Variants in MRTFA observed in about 807,000 individuals in gnomAD.
The protein encoded by MRTFA is myocardin related transcription factor A.
A neutral mutation model predicts 83.5 loss-of-function variants in MRTFA; 20 were observed. That is an observed-to-expected ratio of 0.24 (90% confidence interval 0.17 to 0.35). MRTFA has a LOEUF of 0.35. MRTFA is among the 10% of genes least tolerant of loss of function. MRTFA has a pLI of 1.00. For synonymous variants in MRTFA, 659 were observed against 541.2 expected, an observed-to-expected ratio of 1.22 and a Z score of -3.02; for missense variants, 1,200 against 1,224.7, an observed-to-expected ratio of 0.98 and a Z score of 0.30.
intron 1 of MRTFA, among the ~76,000 whole-genome samples, chr22:40,599,222 C>G (rs1242401049): frequency 6.6e-6 from 1 of 151,942 alleles, no homozygotes; most frequent in African/African-American, 2.4e-5. Flanking sequence ...CGCTTGAACC[C>G]AGGAGGCGGA....
rs535385714 is a variant in MRTFA, at chr22:40,497,979, C to A, written c.242-34693G>T. On this transcript the variant is annotated intron_variant, in intron 3 of 14. Coordinates refer to ENST00000355630, the MANE Select transcript of MRTFA (RefSeq NM_020831.6). The stretch of plus-strand genomic sequence containing the variant: ...CAAAACTCAGTCTCTACAAAAAAAT[C>A]TTTTTAAAATATTAGATGGGTGTAG... Among the ~76,000 whole-genome samples the A allele has an allele frequency of 5.9e-5, 9 of 151,416 alleles. No individual in the cohort carries two copies. In the South Asian group the frequency reaches 1.9e-3, roughly 32 times the overall value.
rs2052690535 is a variant in MRTFA, at chr22:40,416,851, C to T, written c.2578+135G>A. 2.4e-6 allele frequency: 2 copies of T among 818,346 alleles called. No homozygotes were observed. 50.7% of individuals were successfully genotyped at this position (818,346 alleles called of 1,614,324 possible). A position where few individuals can be genotyped will look rare whatever the true frequency, so the allele number is the denominator to read the frequency against. On this transcript the variant is annotated intron_variant, in intron 14 of 14. Coordinates refer to ENST00000355630, the MANE Select transcript of MRTFA (RefSeq NM_020831.6). This position sits in a 1 kb window ranked among gnomAD's most constrained non-coding sequence, Gnocchi z 4.2. Reference sequence around the variant, plus strand: ...GCCTTGGAGACGGGAGGGCTCACAGCCACCACTGCATCCACAGTGCTTGCC... The same window carrying T: ...GCCTTGGAGACGGGAGGGCTCACAGTCACCACTGCATCCACAGTGCTTGCC...
intron 3 of MRTFA, among the ~76,000 whole-genome samples, chr22:40,512,053 C>CT (rs983557818): frequency 1.3e-5 from 2 of 152,150 alleles, no homozygotes; most frequent in Admixed American, 1.3e-4. Context: ...AATGGGCCCA[C>CT]TATATAGGGT....
At chr22:40,519,679 TATAAC>T in intron 3 of MRTFA, 1 of 1,138,398 alleles carries the variant, frequency 8.8e-7, no homozygotes, top group Middle Eastern at 3.4e-4. Flanking sequence ...AAAAAAATGT[TATAAC>T]AATCACACCC....
At chr22:40,626,410 A>G (rs2056582248) in intron 1 of MRTFA, among the ~76,000 whole-genome samples, 1 of 152,084 alleles carries the variant, frequency 6.6e-6, no homozygotes, top group African/African-American at 2.4e-5. Context: ...CCACGCCTCA[A>G]GTTTCCAGAG....
chr22:40,421,241 G>A, intron 9 of MRTFA, 141 bp from the exon 10 acceptor site: 2 of 949,784 alleles, frequency 2.1e-6, no homozygotes, highest in South Asian at 2.0e-5. Flanking sequence ...TTCCCTGTGG[G>A]ACCGTACACC....
intron 3 of MRTFA, among the ~76,000 whole-genome samples, chr22:40,464,003 A>C (rs1461304077): frequency 6.6e-6 from 1 of 152,046 alleles, no homozygotes; most frequent in Admixed American, 6.5e-5. Flanking sequence ...TTTTTAAGTT[A>C]AAAATCAACT....
chr22:40,565,132 T>C (rs1391669516), intron 2 of MRTFA, among the ~76,000 whole-genome samples: 2 of 152,252 alleles, frequency 1.3e-5, no homozygotes, highest in Non-Finnish European at 2.9e-5. Context: ...CCCCTTTTTA[T>C]TGACTACTTC....
chr22:40,503,281 CAATT>C (rs759997165), intron 3 of MRTFA, among the ~76,000 whole-genome samples: 12 of 152,160 alleles, frequency 7.9e-5, no homozygotes, highest in African/African-American at 1.7e-4. Context: ...TGTCACCAGA[CAATT>C]AATTTCTCCA....
intron 1 of MRTFA, among the ~76,000 whole-genome samples, chr22:40,635,952 T>C (rs1222525957): frequency 6.6e-6 from 1 of 152,130 alleles, no homozygotes; most frequent in African/African-American, 2.4e-5. Flanking sequence ...TGACAGACGC[T>C]TTCTTAGGAG....
At chr22:40,531,225 A>C (rs1441091169) in intron 3 of MRTFA, among the ~76,000 whole-genome samples, 2 of 149,412 alleles carry the variant, frequency 1.3e-5, no homozygotes, top group Non-Finnish European at 3.0e-5. Flanking sequence ...CAGCTTCCCA[A>C]GTAGCTCTGA....
chr22:40,489,848 G>A (rs910790621), intron 3 of MRTFA, among the ~76,000 whole-genome samples: 37 of 151,316 alleles, frequency 2.4e-4, no homozygotes, highest in Non-Finnish European at 1.5e-4. Flanking sequence ...GTGTGGTGGC[G>A]AGCACCTGTA....
At chr22:40,477,591 G>C (rs1286039719) in intron 3 of MRTFA, among the ~76,000 whole-genome samples, 1 of 152,094 alleles carries the variant, frequency 6.6e-6, no homozygotes, top group Non-Finnish European at 1.5e-5. Flanking sequence ...TTATAATACA[G>C]ATTACATATG....
intron 1 of MRTFA, among the ~76,000 whole-genome samples, chr22:40,635,096 A>G (rs929685002): frequency 3.3e-5 from 5 of 152,236 alleles, no homozygotes; most frequent in Non-Finnish European, 5.9e-5. Context: ...AATCATTTCA[A>G]TAAGAAACAG....
At chr22:40,478,834 C>G (rs2147181043) in intron 3 of MRTFA, among the ~76,000 whole-genome samples, 1 of 152,264 alleles carries the variant, frequency 6.6e-6, no homozygotes, top group East Asian at 1.9e-4. Flanking sequence ...ATGGACACAC[C>G]TTTCATCTGA....
chr22:40,468,075 C>T (rs779741749), intron 3 of MRTFA, among the ~76,000 whole-genome samples: 42 of 152,222 alleles, frequency 2.8e-4, no homozygotes, highest in Middle Eastern at 3.4e-3. Context: ...GCATCAATTG[C>T]TATTTGAATA....
chr22:40,533,994 G>C (rs1052155857), intron 3 of MRTFA, among the ~76,000 whole-genome samples: 1 of 152,168 alleles, frequency 6.6e-6, no homozygotes, highest in African/African-American at 2.4e-5. Context: ...CTCTCAAGAA[G>C]AGAAGATGAG....
intron 1 of MRTFA, among the ~76,000 whole-genome samples, chr22:40,615,090 C>T (rs1292162034): frequency 3.3e-5 from 5 of 151,648 alleles, no homozygotes; most frequent in Admixed American, 3.3e-4. Context: ...AAGATTTAGT[C>T]CCATGATTTC....
In MRTFA at chr22:40,461,204, CAAAAAAAA is replaced by C. The variant is rs55733153; in HGVS notation, c.307+2009_307+2016del. ...TGGATGACAGAGCAAGAACTTGTCT[CAAAAAAAA>C]AAAAAAAAAAAAAAAAAAAGTTAAA... On this transcript the variant is annotated intron_variant, in intron 4 of 14. Transcript: ENST00000355630. Among the ~76,000 whole-genome samples the C allele has an allele frequency of 9.4e-3, 474 of 50,300 alleles. 5 individuals carry two copies. The highest frequency in any genetic ancestry group is 0.04 in the African/African-American group (430 of 10,628). 33.0% of individuals were successfully genotyped at this position (50,300 alleles called of 152,430 possible).
Sources: allele counts gnomAD v4.1 joint callset (sites outside exome capture counted in the v4.1 genomes callset), GRCh38; gene constraint gnomAD v4.1.1; non-coding constraint Gnocchi (gnomAD v3.1); transcripts MANE v1.5; gene names NCBI Gene and HGNC (gene_info 2026-07-23, HGNC 2026-07-21).